TMEM71: variants seen among roughly 807,000 people sequenced by gnomAD.
TMEM71 encodes transmembrane protein 71.
A neutral mutation model predicts 38.0 loss-of-function variants in TMEM71; 44 were observed. The observed-to-expected ratio is 1.16, with a 90% CI of 0.91 to 1.49. The LOEUF (loss-of-function observed/expected upper bound fraction) is 1.49. Among genes scored for constraint, TMEM71 ranks in the 40% most tolerant of loss-of-function variants. The probability of loss-of-function intolerance (pLI) is 0.00; values close to 1 mark genes in which losing one functional copy is unlikely to be tolerated. For missense variants in TMEM71, 367 were observed against 348.6 expected (o/e 1.05, Z -0.42); for synonymous variants, 133 against 122.5 (o/e 1.09, Z -0.56).
chr8:132,732,073 C>T (rs1471156385), intron 5 of TMEM71, among the ~76,000 whole-genome samples: 4 of 152,144 alleles, frequency 2.6e-5, no homozygotes, highest in Admixed American at 6.5e-5. Flanking sequence ...GCAAATGCTG[C>T]TCTGGAAGAA....
chr8:132,767,477 G>GTT, the TMEM71 span, among the ~76,000 whole-genome samples: 1 of 137,142 alleles, frequency 7.3e-6, no homozygotes, highest in Non-Finnish European at 1.6e-5. Flanking sequence ...CTACCTCTTT[G>GTT]GTTTTTTTTT....
Position 132,727,787 on chromosome 8 carries a change from C to T in TMEM71, c.676+11G>A, listed in dbSNP as rs372638954. ...TTGGGTGTGGCAAATATTTAAAACA[C>T]CTGAACTCACCTGAATGATCCGAAC... On this transcript the variant is annotated intron_variant, in intron 6 of 9. Transcript: ENST00000677595. The T allele has an allele frequency of 6.3e-7, 1 of 1,586,206 alleles. No homozygotes were observed. The highest frequency in any genetic ancestry group is 1.2e-5 in the South Asian group (1 of 86,386).
chr8:132,724,300 C>A (rs746897200), intron 6 of TMEM71, among the ~76,000 whole-genome samples: 96 of 152,256 alleles, frequency 6.3e-4, no homozygotes, highest in Non-Finnish European at 1.1e-3. Flanking sequence ...GAGACCAGGG[C>A]ATATCTCAGT....
intron 5 of TMEM71, among the ~76,000 whole-genome samples, chr8:132,738,827 T>C (rs1351397379): frequency 6.6e-6 from 1 of 150,856 alleles, no homozygotes; most frequent in African/African-American, 2.4e-5. Flanking sequence ...CAAGCACTTA[T>C]TGCATTCTTA....
chr8:132,731,553 C>A (rs1020385704), intron 5 of TMEM71, among the ~76,000 whole-genome samples: 1 of 152,154 alleles, frequency 6.6e-6, no homozygotes, highest in African/African-American at 2.4e-5. Flanking sequence ...GGACAGGGTC[C>A]TCTCTAGAAG....
chr8:132,721,387 G>T (rs1826834357), intron 7 of TMEM71, among the ~76,000 whole-genome samples: 1 of 152,150 alleles, frequency 6.6e-6, no homozygotes, highest in African/African-American at 2.4e-5. Flanking sequence ...ATCGCACAGT[G>T]GGAACTTCAA....
chr8:132,761,298 A>G (rs1829290180), upstream of TMEM71, among the ~76,000 whole-genome samples: 1 of 152,228 alleles, frequency 6.6e-6, no homozygotes, highest in Admixed American at 6.5e-5. Flanking sequence ...GTGTGACCTC[A>G]GATTTGTGAC....
chr8:132,716,403 C>T (rs1826535644), intron 7 of TMEM71, among the ~76,000 whole-genome samples: 1 of 152,174 alleles, frequency 6.6e-6, no homozygotes, highest in Non-Finnish European at 1.5e-5. Flanking sequence ...CTAGATCACC[C>T]ACACTGTATA....
chr8:132,748,807 A>G (rs1224736258), intron 4 of TMEM71, among the ~76,000 whole-genome samples: 2 of 152,216 alleles, frequency 1.3e-5, no homozygotes, highest in Non-Finnish European at 2.9e-5. Context: ...AACAAGGGCT[A>G]GAGTTAAAAG....
intron 9 of TMEM71, among the ~76,000 whole-genome samples, chr8:132,711,810 A>G (rs1242426215): frequency 1.3e-5 from 2 of 152,130 alleles, no homozygotes; most frequent in African/African-American, 2.4e-5. Context: ...AATCTAATCT[A>G]ACTTGCACAG....
At chr8:132,725,103 T>C (rs146643893) in intron 6 of TMEM71, among the ~76,000 whole-genome samples, 1 of 151,716 alleles carries the variant, frequency 6.6e-6, no homozygotes, top group Admixed American at 6.6e-5. Flanking sequence ...CAGTGCATGA[T>C]CTTGGCTCAC....
At chr8:132,713,917 T>A (rs1017944293) in intron 9 of TMEM71, 78 bp downstream of exon 9, 2 of 1,379,046 alleles carry the variant, frequency 1.5e-6, no homozygotes, top group African/African-American at 2.9e-5. Context: ...CCATCTACTA[T>A]GCAGCAGAAA....
intron 6 of TMEM71, among the ~76,000 whole-genome samples, chr8:132,725,500 C>A (rs1234733237): frequency 6.6e-6 from 1 of 152,128 alleles, no homozygotes. Context: ...CCAATAAATT[C>A]TATTGATTAA....
the TMEM71 span, among the ~76,000 whole-genome samples, chr8:132,773,493 T>C: frequency 6.6e-6 from 1 of 152,242 alleles, no homozygotes; most frequent in East Asian, 1.9e-4. Flanking sequence ...TTTATGTATG[T>C]ATTTTATTTA....
intron 4 of TMEM71, among the ~76,000 whole-genome samples, chr8:132,747,511 A>C (rs1828457280): frequency 6.6e-6 from 1 of 152,212 alleles, no homozygotes; most frequent in Non-Finnish European, 1.5e-5. Flanking sequence ...TTAGGCACAG[A>C]TAGGTTAAGT....
intron 6 of TMEM71, 147 bp downstream of exon 6, chr8:132,727,651 G>A: frequency 1.6e-6 from 1 of 622,642 alleles, no homozygotes; most frequent in Non-Finnish European, 2.7e-6. Context: ...AGGGTCACCT[G>A]GGCTTTGGCA....
At chr8:132,734,093 G>A (rs773593286) in intron 5 of TMEM71, among the ~76,000 whole-genome samples, 19 of 152,014 alleles carry the variant, frequency 1.2e-4, no homozygotes, top group Non-Finnish European at 2.4e-4. Flanking sequence ...GCTCTACAAC[G>A]TAGTACCTGT....
At chr8:132,770,305 T>C in the TMEM71 span, among the ~76,000 whole-genome samples, 1 of 152,228 alleles carries the variant, frequency 6.6e-6, no homozygotes, top group Non-Finnish European at 1.5e-5. Flanking sequence ...AATTCCAGTC[T>C]CTTTCTTTTA....
chr8:132,706,921 C>T (rs1422725645), downstream of TMEM71, among the ~76,000 whole-genome samples: 1 of 152,106 alleles, frequency 6.6e-6, no homozygotes, highest in African/African-American at 2.4e-5. Flanking sequence ...TATGACACCA[C>T]CTAGGAAGTA....
Sources: gnomAD v4.1 joint callset for allele counts (sites outside exome capture counted in the v4.1 genomes callset) on GRCh38, gnomAD v4.1.1 for gene constraint, MANE v1.5 for transcripts, NCBI Gene and HGNC (gene_info 2026-07-23, HGNC 2026-07-21) for gene names.